The following CLEC6A variants were observed in gnomAD, a reference collection of about 807,000 sequenced individuals.
CLEC6A encodes C-type lectin domain containing 6A.
CLEC6A carries 22 observed loss-of-function variants against 25.7 expected under a neutral mutation model. The observed-to-expected ratio is 0.85, with a 90% CI of 0.61 to 1.22. CLEC6A has a LOEUF of 1.22. CLEC6A is among the 50% of genes most tolerant of loss of function. The pLI is 0.00. For synonymous variants in CLEC6A, 92 were observed against 76.7 expected (o/e 1.20, Z -1.04); for missense variants, 240 against 236.8 (o/e 1.01, Z -0.09).
intron 4 of CLEC6A, among the ~76,000 whole-genome samples, chr12:8,469,733 G>A (rs753850245): frequency 1.3e-5 from 2 of 152,196 alleles, no homozygotes; most frequent in African/African-American, 2.4e-5. Flanking sequence ...CAAGCCACAT[G>A]TAGAAGAATG....
chr12:8,477,234 A>G (rs1459487926), intron 5 of CLEC6A, 86 bp from the exon 6 acceptor site: 2 of 1,064,540 alleles, frequency 1.9e-6, no homozygotes, highest in Non-Finnish European at 2.7e-6. Context: ...CCTAAATCCC[A>G]CTTTGTTCAC....
At chr12:8,458,362 A>G (rs1381820745) in intron 2 of CLEC6A, among the ~76,000 whole-genome samples, 1 of 152,184 alleles carries the variant, frequency 6.6e-6, no homozygotes, top group African/African-American at 2.4e-5. Flanking sequence ...GTCATATTCT[A>G]TATTAGATTC....
intron 1 of CLEC6A, among the ~76,000 whole-genome samples, chr12:8,456,653 A>T (rs370276114): frequency 2.6e-5 from 4 of 152,320 alleles, no homozygotes; most frequent in African/African-American, 9.6e-5. Context: ...GATACAAAAT[A>T]GTTGTGCATG....
In CLEC6A at chr12:8,477,546, A is replaced by C; in HGVS notation, c.*82A>C. The C allele has an allele frequency of 1.9e-6, 2 of 1,063,368 alleles. No homozygotes were observed. The highest frequency in any genetic ancestry group is 2.7e-6 in the Non-Finnish European group (2 of 742,032). The allele number at this position is 1,063,368 out of a possible 1,614,324, so 65.9% of individuals were successfully genotyped here. On this transcript the variant is annotated 3_prime_UTR_variant, in exon 6 of 6. Coordinates refer to ENST00000382073, the MANE Select transcript of CLEC6A (RefSeq NM_001007033.2). ...TCTTTAAAATTGAACCCTATCATGAAATGATAATTTCTTCCTGAATTTACA... is the reference window on the plus strand; with the variant it reads ...TCTTTAAAATTGAACCCTATCATGACATGATAATTTCTTCCTGAATTTACA...
Position 8,465,474 on chromosome 12 carries a change from A to G in CLEC6A, c.224-10A>G. The G allele has an allele frequency of 6.2e-7, 1 of 1,613,672 alleles. No individual in the cohort carries two copies. Reference sequence around the variant, plus strand: ...CACTCACTCTTTTTTTTCATGTAACACAAAAATAGCCTGGGGATGTTGCCC... The same window carrying G: ...CACTCACTCTTTTTTTTCATGTAACGCAAAAATAGCCTGGGGATGTTGCCC... On this transcript the variant is annotated splice_polypyrimidine_tract_variant and intron_variant, in intron 3 of 5. Transcript: ENST00000382073.
At position 8,477,643 on chromosome 12, in the gene CLEC6A, T is replaced by C. The variant is rs916373529; in HGVS notation, c.*179T>C. ...TTTCCCTTTAATCAATCTTCTCGTT[T>C]CCTCTTTTCCATTAATGATAGAATG... On this transcript the variant is annotated 3_prime_UTR_variant, in exon 6 of 6. Transcript: ENST00000382073. The C allele has an allele frequency of 8.8e-6, 4 of 457,138 alleles. No individual in the cohort carries two copies. Among genetic ancestry groups the C allele is most frequent in the African/African-American group, 8.2e-5 (4 of 49,034 alleles). 28.3% of individuals were successfully genotyped at this position (457,138 alleles called of 1,614,324 possible).
Position 8,457,967 on chromosome 12 carries a change from G to T in CLEC6A, c.101G>T (p.Cys34Phe). ...ATTTCCATTGCACTCCTCAGTGCTT[G>T]CTTCATTGTGAGCTGTGTAGGTAAG... ...AGISIALLSA[C>F]FIVSCVVTYH... Residue 34 changes from cysteine to phenylalanine, a missense_variant, in exon 2 of 6, where the codon TGC (cysteine) becomes TTC (phenylalanine). Coordinates refer to ENST00000382073, the MANE Select transcript of CLEC6A (RefSeq NM_001007033.2). The T allele has an allele frequency of 6.2e-7, 1 of 1,612,990 alleles. No homozygotes were observed. The highest frequency in any genetic ancestry group is 8.5e-7 in the Non-Finnish European group (1 of 1,178,982).
chr12:8,461,227 C>T (rs760373817), intron 3 of CLEC6A: 19 of 750,286 alleles, frequency 2.5e-5, no homozygotes, highest in East Asian at 1.6e-4. Context: ...CCACCGTTAC[C>T]GCTAACATAA....
chr12:8,458,040 C>A, intron 2 of CLEC6A, 53 bp downstream of exon 2: 1 of 1,274,934 alleles, frequency 7.8e-7, no homozygotes, highest in Non-Finnish European at 1.1e-6. Context: ...TTGAATATTC[C>A]ATACAGGTTT....
chr12:8,470,240 C>T (rs952762884), intron 4 of CLEC6A, among the ~76,000 whole-genome samples: 11 of 152,014 alleles, frequency 7.2e-5, no homozygotes, highest in Non-Finnish European at 1.3e-4. Context: ...TGTGATACCA[C>T]CTTACTCCTG....
chr12:8,466,479 C>T (rs1939831848), intron 4 of CLEC6A, among the ~76,000 whole-genome samples: 1 of 152,170 alleles, frequency 6.6e-6, no homozygotes, highest in African/African-American at 2.4e-5. Context: ...TTCATGATGA[C>T]TGTGCCATTT....
chr12:8,476,431 A>G (rs991742843), intron 5 of CLEC6A, among the ~76,000 whole-genome samples, 191 bp downstream of exon 5: 10 of 152,156 alleles, frequency 6.6e-5, no homozygotes, highest in Non-Finnish European at 5.9e-5. Flanking sequence ...ACAGATAAAA[A>G]ATTAAATAAC....
At chr12:8,476,544 T>C (rs765293400) in intron 5 of CLEC6A, among the ~76,000 whole-genome samples, 51 of 152,134 alleles carry the variant, frequency 3.4e-4, no homozygotes, top group Non-Finnish European at 6.2e-4. Flanking sequence ...TTGCTGTTTC[T>C]AAACACAAGT....
rs1940001542 is a variant in CLEC6A, at chr12:8,477,975, T to TA, written c.*514dup. ...GTTGGCTATTAATGTAACCTGGAAA[T>TA]AAATTTTATTCTGCAGTTAGGGATT... On this transcript the variant is annotated 3_prime_UTR_variant, in exon 6 of 6. Transcript: ENST00000382073. 1 of 152,116 alleles carries TA rather than the reference T, an allele frequency of 6.6e-6. No homozygotes were observed. The highest frequency in any genetic ancestry group is 1.5e-5 in the Non-Finnish European group (1 of 67,992). The allele number at this position is 152,116 out of a possible 1,614,324, so 9.4% of individuals were successfully genotyped here.
chr12:8,468,420 A>G (rs1459869016), intron 4 of CLEC6A, among the ~76,000 whole-genome samples: 3 of 152,226 alleles, frequency 2.0e-5, no homozygotes, highest in African/African-American at 4.8e-5. Flanking sequence ...ATATAAGATT[A>G]TGTCATCTGT....
At position 8,459,698 on chromosome 12, in the gene CLEC6A, G is replaced by A. The variant is rs150852294; in HGVS notation, c.223G>A (p.Ala75Thr). The A allele has an allele frequency of 6.3e-7, 1 of 1,595,894 alleles. No homozygotes were observed. The highest frequency in any genetic ancestry group is 1.7e-5 in the Admixed American group (1 of 60,014). The change falls in exon 3 of 6, where the codon GCC becomes ACC. Residue 75 changes from alanine (A) to threonine (T), a missense_variant and splice_region_variant. By Grantham distance (58) the Ala-to-Thr change is moderately conservative. Transcript: ENST00000382073. ...TCFSEGTKVP[A>T]WGCCPASWKS... ...CTTCAGTGAAGGGACAAAGGTGCCA[G>A]GTAAATCTTTAAAATACTGAAATAG...
rs951623261 is a variant in CLEC6A, at chr12:8,456,121, G to C, written c.10G>C (p.Glu4Gln). ...ACAGGGAGCCTGCATAATGATGCAAGAGCAGCAACCTCAAAGTACAGGTGA... is the reference window on the plus strand; with the variant it reads ...ACAGGGAGCCTGCATAATGATGCAACAGCAGCAACCTCAAAGTACAGGTGA... MMQ[E>Q]QQPQSTEKRG... is the part of the protein sequence containing the mutation. Residue 4 changes from glutamate to glutamine, a missense_variant, in exon 1 of 6, where the codon GAG (glutamate) becomes CAG (glutamine). Coordinates refer to ENST00000382073, the MANE Select transcript of CLEC6A (RefSeq NM_001007033.2). The C allele has an allele frequency of 1.9e-5, 31 of 1,613,794 alleles. No homozygotes were observed. The highest frequency in any genetic ancestry group is 2.5e-5 in the Non-Finnish European group (30 of 1,179,908).
intron 3 of CLEC6A, among the ~76,000 whole-genome samples, chr12:8,462,301 T>C (rs368399625): frequency 1.4e-5 from 2 of 145,190 alleles, no homozygotes; most frequent in Non-Finnish European, 3.0e-5. Context: ...GTCTGAAATA[T>C]GGCCTCGTGG....
chr12:8,458,527 C>T (rs775329523), intron 2 of CLEC6A, among the ~76,000 whole-genome samples: 9 of 152,204 alleles, frequency 5.9e-5, no homozygotes, highest in African/African-American at 2.2e-4. Context: ...GACCTTTTTC[C>T]TCTCCGATTC....
Sources: allele counts gnomAD v4.1 joint callset (sites outside exome capture counted in the v4.1 genomes callset), GRCh38; gene constraint gnomAD v4.1.1; transcripts MANE v1.5; gene names NCBI Gene and HGNC (gene_info 2026-07-23, HGNC 2026-07-21).